Variants in TRAPPC9 observed in about 807,000 individuals in gnomAD.
The protein encoded by TRAPPC9 is trafficking protein particle complex subunit 9, also known as IKK2 binding protein.
A neutral mutation model predicts 124.0 loss-of-function variants in TRAPPC9; 83 were observed. That is an observed-to-expected ratio of 0.67 (90% CI 0.56 to 0.80). The LOEUF is 0.80. TRAPPC9 is among the 30% of genes least tolerant of loss of function. The pLI is 0.00. For missense variants in TRAPPC9, 1,302 were observed against 1,508.3 expected (o/e 0.86, Z 2.27); for synonymous variants, 638 against 617.5 (o/e 1.03, Z -0.49).
At position 140,241,752 on chromosome 8, in the gene TRAPPC9, A is replaced by T. The variant is rs912212277; in HGVS notation, c.2431+11025T>A. 2.6e-5 allele frequency among the ~76,000 whole-genome samples: 4 copies of T among 152,222 alleles called. No individual in the cohort carries two copies. Among genetic ancestry groups the T allele is most frequent in the Admixed American group, 1.3e-4 (2 of 15,282 alleles). On this transcript the variant is annotated intron_variant, in intron 16 of 22. Transcript: ENST00000438773. This position sits in a 1 kb window ranked among gnomAD's most constrained non-coding sequence, Gnocchi z 5.0. ...AAGACCCTTCATTCAGAGTTCAGAA[A>T]GCAACACCAGATCCTCACAGCCAGA...
intron 21 of TRAPPC9, among the ~76,000 whole-genome samples, chr8:139,840,667 G>A (rs941243851): frequency 5.3e-5 from 8 of 152,268 alleles, no homozygotes; most frequent in South Asian, 2.1e-4. Flanking sequence ...CGGTTTCCAC[G>A]CGTGGGAGGT....
intron 18 of TRAPPC9, among the ~76,000 whole-genome samples, chr8:140,000,367 C>A (rs565531760): frequency 3.9e-5 from 6 of 152,230 alleles, no homozygotes; most frequent in African/African-American, 7.2e-5. Context: ...GCAACAAAAG[C>A]CAAAATAGAC....
intron 21 of TRAPPC9, among the ~76,000 whole-genome samples, chr8:139,882,995 C>T (rs890573544): frequency 8.5e-5 from 13 of 152,202 alleles, no homozygotes; most frequent in African/African-American, 1.9e-4. Context: ...CCAAAACTCA[C>T]GTTGAAACTT....
chr8:139,773,832 C>A (rs1217678466), intron 21 of TRAPPC9, among the ~76,000 whole-genome samples: 1 of 152,230 alleles, frequency 6.6e-6, no homozygotes, highest in Non-Finnish European at 1.5e-5. Context: ...GTGCCAGGCA[C>A]CCTTCTAGAA....
chr8:139,959,418 ATT>A (rs1835228889), intron 19 of TRAPPC9, among the ~76,000 whole-genome samples: 1 of 152,158 alleles, frequency 6.6e-6, no homozygotes, highest in African/African-American at 2.4e-5. Flanking sequence ...CATTATCCCC[ATT>A]TTATGGCCAA....
intron 20 of TRAPPC9, among the ~76,000 whole-genome samples, chr8:139,890,948 G>A (rs750890564): frequency 3.9e-5 from 6 of 151,920 alleles, no homozygotes; most frequent in Non-Finnish European, 5.9e-5. Flanking sequence ...GTTCAGCTCC[G>A]TGATTAGGCC....
chr8:140,282,372 G>C (rs765289480), intron 14 of TRAPPC9, among the ~76,000 whole-genome samples: 1 of 151,884 alleles, frequency 6.6e-6, no homozygotes, highest in Non-Finnish European at 1.5e-5. Flanking sequence ...GCGTGGTGGC[G>C]GGTACCTATA....
intron 17 of TRAPPC9, among the ~76,000 whole-genome samples, chr8:140,144,464 TTTCA>T (rs67174670): frequency 0.075 from 11,330 of 150,430 alleles, 728 homozygotes; most frequent in African/African-American, 0.17. Flanking sequence ...CTATTTTTCT[TTTCA>T]TTCATTCATT....
At chr8:140,447,045 C>T (rs1272858367) in intron 2 of TRAPPC9, among the ~76,000 whole-genome samples, 3 of 152,280 alleles carry the variant, frequency 2.0e-5, no homozygotes, top group East Asian at 1.9e-4. Context: ...CAGAAACGTT[C>T]GCTCAGAAGC....
intron 20 of TRAPPC9, 37 bp from the exon 21 acceptor site, chr8:139,886,006 G>A (rs1829992166): frequency 1.3e-6 from 2 of 1,539,480 alleles, no homozygotes; most frequent in Non-Finnish European, 1.8e-6. Flanking sequence ...CTCCTGCGGA[G>A]CCCAGGGACA....
At chr8:139,992,266 T>C (rs1230961295) in intron 18 of TRAPPC9, among the ~76,000 whole-genome samples, 1 of 152,104 alleles carries the variant, frequency 6.6e-6, no homozygotes, top group East Asian at 1.9e-4. Context: ...CATGGAACAA[T>C]ATTAAAGAAG....
intron 17 of TRAPPC9, among the ~76,000 whole-genome samples, chr8:140,061,482 A>G (rs1842611759): frequency 6.6e-6 from 1 of 152,200 alleles, no homozygotes; most frequent in South Asian, 2.1e-4. Context: ...AGAAGCAAGC[A>G]CAGGCCACGG....
At chr8:140,167,636 G>A (rs2061868326) in intron 17 of TRAPPC9, among the ~76,000 whole-genome samples, 1 of 152,132 alleles carries the variant, frequency 6.6e-6, no homozygotes, top group Admixed American at 6.5e-5. Context: ...TATGTGAATG[G>A]GAATATCTCA....
At chr8:140,176,129 G>A (rs78676301) in intron 17 of TRAPPC9, among the ~76,000 whole-genome samples, 4 of 152,324 alleles carry the variant, frequency 2.6e-5, no homozygotes, top group East Asian at 3.9e-4. Flanking sequence ...AGTCAAAGAC[G>A]ATCTCTCTTG....
intron 8 of TRAPPC9, among the ~76,000 whole-genome samples, chr8:140,367,109 T>C (rs1319737280): frequency 6.6e-6 from 1 of 152,180 alleles, no homozygotes; most frequent in Non-Finnish European, 1.5e-5. Context: ...GGAACTCTCA[T>C]TCATTGCTGA....
Position 140,456,377 on chromosome 8 carries a change from A to G in TRAPPC9, c.-11+1262T>C, listed in dbSNP as rs556274790. ...CAGTGAGCCAAGATCGTGCCATTGC[A>G]CTCCAGCCCAGGCGACAGTGCGAGA... On this transcript the variant is annotated intron_variant, in intron 1 of 22. Coordinates refer to ENST00000438773, the MANE Select transcript of TRAPPC9 (RefSeq NM_001160372.4). Among the ~76,000 whole-genome samples the G allele has an allele frequency of 3.6e-4, 54 of 149,502 alleles. 1 individual carries two copies. The highest frequency in any genetic ancestry group is 3.4e-3 in the Middle Eastern group (1 of 292).
chr8:140,150,494 C>T (rs1272055022), intron 17 of TRAPPC9, among the ~76,000 whole-genome samples: 1 of 152,104 alleles, frequency 6.6e-6, no homozygotes, highest in Admixed American at 6.5e-5. Context: ...CTCATGTGTA[C>T]GTATTATTAT....
intron 21 of TRAPPC9, among the ~76,000 whole-genome samples, chr8:139,753,663 G>A (rs1377968930): frequency 6.6e-6 from 1 of 152,146 alleles, no homozygotes; most frequent in Non-Finnish European, 1.5e-5. Flanking sequence ...CTCCTTGTTT[G>A]CCTGAGTCAG....
Position 140,087,602 on chromosome 8 carries a change from T to C in TRAPPC9, c.2557-63523A>G, listed in dbSNP as rs1309062197. On this transcript the variant is annotated intron_variant, in intron 17 of 22. Transcript: ENST00000438773. The surrounding 1 kb of genome is among the most constrained non-coding windows in gnomAD (Gnocchi z 4.6). The stretch of plus-strand genomic sequence containing the variant: ...AGGCCAAAACCTTAAAAGACACCCT[T>C]GCTTATTCTTCAGTGCATCTAAGGT... 2.0e-5 allele frequency among the ~76,000 whole-genome samples: 3 copies of C among 152,174 alleles called. No individual in the cohort carries two copies. The highest frequency in any genetic ancestry group is 6.5e-5 in the Admixed American group (1 of 15,278).
Sources: gnomAD v4.1 joint callset for allele counts (sites outside exome capture counted in the v4.1 genomes callset) on GRCh38, gnomAD v4.1.1 for gene constraint, Gnocchi (gnomAD v3.1) non-coding constraint, MANE v1.5 for transcripts, NCBI Gene and HGNC (gene_info 2026-07-23, HGNC 2026-07-21) for gene names.